Variants in CLYBL observed in about 807,000 individuals in gnomAD.
The protein encoded by CLYBL is citramalyl-CoA lyase, mitochondrial.
In CLYBL, 31 loss-of-function variants were observed where a neutral mutation model predicts 38.9. The observed-to-expected ratio is 0.80, with a 90% CI of 0.60 to 1.08. The LOEUF is 1.08. CLYBL is among the 50% of genes least tolerant of loss of function. The probability of loss-of-function intolerance (pLI) is 0.00; values close to 1 mark genes in which losing one functional copy is unlikely to be tolerated. For missense variants in CLYBL, 434 were observed against 411.6 expected, an observed-to-expected ratio of 1.05 and a Z score of -0.47; for synonymous variants, 171 against 158.6, an observed-to-expected ratio of 1.08 and a Z score of -0.59.
At chr13:99,782,510 GA>G (rs935512733) in intron 2 of CLYBL, among the ~76,000 whole-genome samples, 22 of 152,006 alleles carry the variant, frequency 1.4e-4, no homozygotes, top group East Asian at 3.9e-4. Context: ...GTCTTGGGGG[GA>G]AAAAAGTTTA....
intron 2 of CLYBL, among the ~76,000 whole-genome samples, chr13:99,812,125 C>G (rs1466140668): frequency 6.6e-6 from 1 of 152,192 alleles, no homozygotes; most frequent in African/African-American, 2.4e-5. Flanking sequence ...TGTGACTGTT[C>G]CTACATTTTG....
At chr13:99,748,062 C>T (rs981598495) in intron 1 of CLYBL, among the ~76,000 whole-genome samples, 2 of 152,072 alleles carry the variant, frequency 1.3e-5, no homozygotes, top group Non-Finnish European at 2.9e-5. Flanking sequence ...TTCATCTTCC[C>T]GAACTGAAAC....
At chr13:99,891,222 T>C (rs959822592) in intron 7 of CLYBL, 96 bp from the exon 8 acceptor site, 1 of 896,000 alleles carries the variant, frequency 1.1e-6, no homozygotes, top group African/African-American at 1.7e-5. Context: ...ATAATTCAGG[T>C]GGAATCTAAA....
At chr13:99,805,388 AAAC>A (rs1393885358) in intron 2 of CLYBL, among the ~76,000 whole-genome samples, 1 of 152,160 alleles carries the variant, frequency 6.6e-6, no homozygotes, top group Non-Finnish European at 1.5e-5. Context: ...AAGGAGAAGA[AAAC>A]AAGTTAATTT....
intron 1 of CLYBL, among the ~76,000 whole-genome samples, chr13:99,619,335 C>T (rs571108705): frequency 3.3e-5 from 5 of 152,154 alleles, no homozygotes; most frequent in African/African-American, 1.2e-4. Flanking sequence ...AGAGAGCAGC[C>T]CTCTGTAGAC....
chr13:99,843,061 G>T (rs1409769314), intron 2 of CLYBL, among the ~76,000 whole-genome samples: 1 of 152,166 alleles, frequency 6.6e-6, no homozygotes, highest in East Asian at 1.9e-4. Flanking sequence ...GCACAGTGAG[G>T]TTAAGAGACT....
chr13:99,664,658 C>T (rs1216697493), intron 1 of CLYBL, among the ~76,000 whole-genome samples: 4 of 152,088 alleles, frequency 2.6e-5, no homozygotes, highest in African/African-American at 7.2e-5. Flanking sequence ...TCATAACGTG[C>T]GACGTAGTGC....
At chr13:99,616,276 C>T (rs1054665326) in intron 1 of CLYBL, among the ~76,000 whole-genome samples, 16 of 151,540 alleles carry the variant, frequency 1.1e-4, no homozygotes, top group Non-Finnish European at 2.2e-4. Flanking sequence ...GCTTCTTCCT[C>T]AGTCTCTAGT....
chr13:99,763,842 C>T (rs1053803417), intron 1 of CLYBL, among the ~76,000 whole-genome samples: 18 of 151,988 alleles, frequency 1.2e-4, no homozygotes, highest in African/African-American at 3.4e-4. Context: ...CGTGAGCCAC[C>T]GCACCCGGCC....
At chr13:99,677,291 A>C (rs2047667977) in intron 1 of CLYBL, among the ~76,000 whole-genome samples, 1 of 152,208 alleles carries the variant, frequency 6.6e-6, no homozygotes, top group African/African-American at 2.4e-5. Flanking sequence ...CTCCAAGATA[A>C]AGATGCCAGA....
chr13:99,892,810 C>T (rs1292137511), downstream of CLYBL: 1 of 152,234 alleles, frequency 6.6e-6, no homozygotes, highest in Non-Finnish European at 1.5e-5. Context: ...CCCAACCAGG[C>T]CTCCCCTTTT....
chr13:99,655,351 T>C (rs58835535), intron 1 of CLYBL, among the ~76,000 whole-genome samples: 6,186 of 152,170 alleles, frequency 0.041, 426 homozygotes, highest in African/African-American at 0.14. Flanking sequence ...GCTGGGATTA[T>C]AGGCGTGAGC....
chr13:99,804,667 A>G (rs1456588281), intron 2 of CLYBL, among the ~76,000 whole-genome samples: 5 of 152,170 alleles, frequency 3.3e-5, no homozygotes, highest in South Asian at 2.1e-4. Context: ...TCCAGAAAAT[A>G]CTTGATAAAT....
At chr13:99,790,775 C>T (rs183492325) in intron 2 of CLYBL, among the ~76,000 whole-genome samples, 79 of 152,322 alleles carry the variant, frequency 5.2e-4, no homozygotes, top group African/African-American at 1.6e-3. Flanking sequence ...AGTGGCACAA[C>T]TGGAATCCTG....
intron 2 of CLYBL, among the ~76,000 whole-genome samples, chr13:99,773,519 T>C (rs2049445035): frequency 6.6e-6 from 1 of 152,108 alleles, no homozygotes; most frequent in Admixed American, 6.5e-5. Context: ...AGGATCTAGG[T>C]TGCACGCTCC....
intron 2 of CLYBL, among the ~76,000 whole-genome samples, chr13:99,794,581 T>TTTATTATTATTATTA (rs1221444900): frequency 0.11 from 15,669 of 143,710 alleles, 1,196 homozygotes; most frequent in African/African-American, 0.2. Context: ...TATATTTTCA[T>TTTATTATTATTATTA]TTATTATTAT....
chr13:99,791,517 G>T (rs1287282692), intron 2 of CLYBL, among the ~76,000 whole-genome samples: 2 of 152,140 alleles, frequency 1.3e-5, no homozygotes, highest in Non-Finnish European at 2.9e-5. Context: ...TATTGCTTGT[G>T]CCTGTGTCTG....
exon 10 of CLYBL, among the ~76,000 whole-genome samples, chr13:99,909,150 C>A (rs2052725551): frequency 6.6e-6 from 1 of 152,190 alleles, no homozygotes; most frequent in Non-Finnish European, 1.5e-5. Flanking sequence ...AGGCACAACA[C>A]CATATGGAAA....
At chr13:99,688,626 G>A (rs2047853955) in intron 1 of CLYBL, among the ~76,000 whole-genome samples, 1 of 149,804 alleles carries the variant, frequency 6.7e-6, no homozygotes, top group East Asian at 2.0e-4. Context: ...TACAAACTTG[G>A]CATTACTCTT....
Sources: allele counts gnomAD v4.1 joint callset (sites outside exome capture counted in the v4.1 genomes callset), GRCh38; gene constraint gnomAD v4.1.1; transcripts MANE v1.5; gene names NCBI Gene and HGNC (gene_info 2026-07-23, HGNC 2026-07-21).